CHEK1: variants seen among roughly 807,000 people sequenced by gnomAD.
The protein encoded by CHEK1 is serine/threonine-protein kinase Chk1.
In CHEK1, 32 loss-of-function variants were observed where a neutral mutation model predicts 60.2. The ratio of observed to expected loss-of-function variants is 0.53; its 90% confidence interval spans 0.40 to 0.71. CHEK1 has a LOEUF of 0.71. Ranked by LOEUF, CHEK1 falls within the 30% of genes least tolerant of loss-of-function variation. CHEK1 has a pLI of 0.00. For missense variants in CHEK1, 399 were observed against 564.6 expected, an observed-to-expected ratio of 0.71 and a Z score of 2.97; for synonymous variants, 179 against 187.2, an observed-to-expected ratio of 0.96 and a Z score of 0.36.
downstream of CHEK1, chr11:125,657,187 T>TTTTGTGTGTGTGTGTG (rs140073080): frequency 4.7e-3 from 699 of 147,210 alleles, 8 homozygotes; most frequent in African/African-American, 7.9e-3. Flanking sequence ...CAACCTATGC[T>TTTTGTGTGTGTGTGTG]TGTGTGTGTG....
rs1181082967 is a variant in CHEK1 at position 125,669,558 on chromosome 11, C to G, written c.*28-6370C>G. 2.4e-5 allele frequency among the ~76,000 whole-genome samples: 3 copies of G among 122,634 alleles called. No individual in the cohort carries two copies. The East Asian group carries it at 7.6e-4, about 31-fold the overall frequency. The allele number at this position is 122,634 out of a possible 152,430, so 80.5% of individuals were successfully genotyped here. On this transcript the variant is annotated intron_variant, in intron 13 of 13. Transcript: ENST00000428830. ...TTTTTTTTTGTGATGAAGTCTCGCTCTGTCGCCCAGGCTGGAGTACAGTGG... is the reference window on the plus strand; with the variant it reads ...TTTTTTTTTGTGATGAAGTCTCGCTGTGTCGCCCAGGCTGGAGTACAGTGG...
At chr11:125,658,635 A>G (rs200592971), downstream of CHEK1, among the ~76,000 whole-genome samples, 14 of 132,654 alleles carry the variant, frequency 1.1e-4, no homozygotes, top group East Asian at 3.3e-3. Context: ...GATCATGAAG[A>G]TTTTCTTGTA....
At chr11:125,637,114 G>A (rs984416620) in intron 7 of CHEK1, among the ~76,000 whole-genome samples, 1 of 152,156 alleles carries the variant, frequency 6.6e-6, no homozygotes, top group Non-Finnish European at 1.5e-5. Context: ...GTGAGAACAT[G>A]ACATTGAAGT....
intron 2 of CHEK1, 52 bp from the exon 3 acceptor site, chr11:125,627,555 A>C (rs539771249): frequency 1.4e-6 from 2 of 1,451,828 alleles, no homozygotes; most frequent in East Asian, 2.4e-5. Context: ...TAATCTTTGG[A>C]AGTTTTAGAA....
At chr11:125,642,096 T>A (rs2136020363) in intron 8 of CHEK1, among the ~76,000 whole-genome samples, 1 of 152,320 alleles carries the variant, frequency 6.6e-6, no homozygotes, top group African/African-American at 2.4e-5. Context: ...TTGTAGTGAC[T>A]GTTCCTATGT....
intron 4 of CHEK1, 41 bp downstream of exon 4, chr11:125,629,337 G>C (rs745970536): frequency 1.2e-6 from 2 of 1,612,762 alleles, no homozygotes; most frequent in East Asian, 4.5e-5. Flanking sequence ...TAAAATTAGA[G>C]TGAATACATT....
Position 125,637,505 on chromosome 11 carries a change from A to T in CHEK1, c.775A>T (p.Ile259Phe). ...ATCAGCAAGAATTACCATTCCAGAC[A>T]TCAAAAAAGATAGATGGTACAACAA... ...NPSARITIPD[I>F]KKDRWYNKPL... Residue 259 changes from isoleucine (I) to phenylalanine (F), a missense_variant, in exon 8 of 13, where the codon ATC (isoleucine) becomes TTC (phenylalanine). Ile to Phe is a conservative substitution (Grantham distance 21). Coordinates refer to ENST00000438015, the MANE Select transcript of CHEK1 (RefSeq NM_001114122.3). The T allele has an allele frequency of 6.2e-7, 1 of 1,611,322 alleles. No individual in the cohort carries two copies. The highest frequency in any genetic ancestry group is 8.5e-7 in the Non-Finnish European group (1 of 1,178,586).
intron 11 of CHEK1, among the ~76,000 whole-genome samples, chr11:125,648,354 G>A (rs1168080950): frequency 2.6e-5 from 4 of 151,876 alleles, no homozygotes; most frequent in South Asian, 2.1e-4. Flanking sequence ...AGGCCGTTGC[G>A]GGTGGATCAT....
rs940297463 is a variant in CHEK1 at position 125,653,977 on chromosome 11, A to C, written c.1335+130A>C. The C allele has an allele frequency of 1.9e-6, 1 of 529,080 alleles. No homozygotes were observed. The highest frequency in any genetic ancestry group is 2.0e-5 in the African/African-American group (1 of 49,446). The allele number at this position is 529,080 out of a possible 1,614,324, so 32.8% of individuals were successfully genotyped here. A position where few individuals can be genotyped will look rare whatever the true frequency, so the allele number is the denominator to read the frequency against. On this transcript the variant is annotated intron_variant, in intron 12 of 12. Transcript: ENST00000438015. The surrounding 1 kb of genome is among the most constrained non-coding windows in gnomAD (Gnocchi z 4.3). The stretch of plus-strand genomic sequence containing the variant: ...GCTTTTTTCGTTTAATATTATGAGC[A>C]TGTGTTTTCGTTATCTATTTTTCCC...
chr11:125,648,850 G>A (rs1009301679), intron 11 of CHEK1, among the ~76,000 whole-genome samples: 1 of 151,958 alleles, frequency 6.6e-6, no homozygotes, highest in Admixed American at 6.6e-5. Flanking sequence ...TGTTTTCTCC[G>A]TCTATTGAGA....
intron 13 of CHEK1, among the ~76,000 whole-genome samples, chr11:125,663,570 G>A (rs1438394230): frequency 4.6e-5 from 7 of 151,600 alleles, no homozygotes; most frequent in Admixed American, 6.6e-5. Context: ...TTAGACCTTC[G>A]TTGAATTATG....
rs565362064 is a variant in CHEK1, at chr11:125,656,571, T to C, written c.*1251T>C. On this transcript the variant is annotated 3_prime_UTR_variant, in exon 13 of 13. Coordinates refer to ENST00000438015, the MANE Select transcript of CHEK1 (RefSeq NM_001114122.3). ...TTAAGAATTGAATCAGTATAAATTC[T>C]CAAATATGGGAGAAATTTTGTTCTT... 2.2e-4 allele frequency: 48 copies of C among 213,612 alleles called. No individual in the cohort carries two copies. The highest frequency in any genetic ancestry group is 1.0e-3 in the African/African-American group (46 of 44,392). The allele number at this position is 213,612 out of a possible 1,614,324, so 13.2% of individuals were successfully genotyped here. A position where few individuals can be genotyped will look rare whatever the true frequency, so the allele number is the denominator to read the frequency against.
At chr11:125,666,225 T>C (rs1003047422) in intron 13 of CHEK1, among the ~76,000 whole-genome samples, 4 of 151,994 alleles carry the variant, frequency 2.6e-5, no homozygotes, top group Non-Finnish European at 4.4e-5. Context: ...AAGAAATTTT[T>C]AATTTTACTT....
chr11:125,646,966 G>A (rs1452966266), intron 11 of CHEK1, among the ~76,000 whole-genome samples: 1 of 151,092 alleles, frequency 6.6e-6, no homozygotes, highest in Non-Finnish European at 1.5e-5. Flanking sequence ...TTTAGATTTT[G>A]ATGAATTCCA....
chr11:125,643,934 G>T lies in CHEK1; in HGVS notation c.923+34G>T, dbSNP rs189246566. ...GATAAAGATTGAGTAGTTTTTGATT[G>T]TAGTATTCCCCATGAAGAATAATAC... is the stretch of plus-strand genomic sequence containing the variant. On this transcript the variant is annotated intron_variant, in intron 9 of 12. Transcript: ENST00000438015. The T allele has an allele frequency of 7.0e-6, 11 of 1,575,562 alleles. No homozygotes were observed. The Admixed American group carries it at 1.4e-4, about 20-fold the overall frequency.
At chr11:125,658,196 G>C (rs569131697), downstream of CHEK1, among the ~76,000 whole-genome samples, 1 of 152,164 alleles carries the variant, frequency 6.6e-6, no homozygotes, top group South Asian at 2.1e-4. Flanking sequence ...AGCCTCCCAA[G>C]TAACTGGGAC....
In CHEK1 at chr11:125,626,206, G is replaced by A. The variant is rs960157446; in HGVS notation, c.-21+194G>A. On this transcript the variant is annotated intron_variant, in intron 1 of 12. Coordinates refer to ENST00000438015, the MANE Select transcript of CHEK1 (RefSeq NM_001114122.3). ...GTTCCCGTTGTGGGGGCGGGGGCAGGAGGGACTAACCCGCTGCTAGCTAAG... is the reference window on the plus strand; with the variant it reads ...GTTCCCGTTGTGGGGGCGGGGGCAGAAGGGACTAACCCGCTGCTAGCTAAG... 1.2e-5 allele frequency: 7 copies of A among 592,242 alleles called. No individual in the cohort carries two copies. In the African/African-American group the frequency reaches 1.3e-4, roughly 11 times the overall value. 36.7% of individuals were successfully genotyped at this position (592,242 alleles called of 1,614,324 possible).
chr11:125,631,819 A>G (rs904294900), intron 5 of CHEK1, among the ~76,000 whole-genome samples: 3 of 142,592 alleles, frequency 2.1e-5, no homozygotes, highest in Non-Finnish European at 3.0e-5. Context: ...CTGTGATCAC[A>G]TCACTACACT....
intron 13 of CHEK1, among the ~76,000 whole-genome samples, chr11:125,664,808 C>T (rs553345095): frequency 6.6e-6 from 1 of 152,030 alleles, no homozygotes; most frequent in East Asian, 1.9e-4. Context: ...GCTTTTGTTT[C>T]CTGTACTTGT....
Sources: gnomAD v4.1 joint callset for allele counts (sites outside exome capture counted in the v4.1 genomes callset) on GRCh38, gnomAD v4.1.1 for gene constraint, Gnocchi (gnomAD v3.1) non-coding constraint, MANE v1.5 for transcripts, NCBI Gene and HGNC (gene_info 2026-07-23, HGNC 2026-07-21) for gene names.